The following LINGO2 variants were observed in gnomAD, a reference collection of about 807,000 sequenced individuals.
The protein encoded by LINGO2 is leucine-rich repeat and immunoglobulin-like domain-containing nogo receptor-interacting protein 2.
LINGO2 carries 14 observed loss-of-function variants against 30.6 expected under a neutral mutation model. That is an observed-to-expected ratio of 0.46 (90% confidence interval 0.30 to 0.72). The LOEUF is 0.72. LINGO2 is among the 30% of genes least tolerant of loss of function. The pLI is 0.07. For missense variants in LINGO2, 729 were observed against 751.7 expected (o/e 0.97, Z 0.35); for synonymous variants, 317 against 288.5 (o/e 1.10, Z -1.00).
chr9:28,313,458 G>A (rs1824709638), intron 3 of LINGO2, among the ~76,000 whole-genome samples: 1 of 152,128 alleles, frequency 6.6e-6, no homozygotes. Flanking sequence ...AACTCTACAG[G>A]ATTCATTAAA....
intron 4 of LINGO2, among the ~76,000 whole-genome samples, chr9:28,084,201 T>C (rs1161750044): frequency 1.3e-5 from 2 of 152,188 alleles, no homozygotes; most frequent in Non-Finnish European, 2.9e-5. Context: ...GTTTAGGGTG[T>C]TTCATTGTTT....
At chr9:29,024,648 A>G in the LINGO2 span, among the ~76,000 whole-genome samples, 1 of 152,116 alleles carries the variant, frequency 6.6e-6, no homozygotes, top group African/African-American at 2.4e-5. Context: ...CTGGTCCCAG[A>G]TTAGAGTAGG....
At chr9:28,676,265 T>C in the LINGO2 span, among the ~76,000 whole-genome samples, 1 of 151,996 alleles carries the variant, frequency 6.6e-6, no homozygotes, top group African/African-American at 2.4e-5. Flanking sequence ...AAATTAGCTA[T>C]ACCATTCGCT....
intron 1 of LINGO2, among the ~76,000 whole-genome samples, chr9:28,579,008 T>C (rs528000433): frequency 1.3e-5 from 2 of 152,134 alleles, no homozygotes; most frequent in East Asian, 3.9e-4. Context: ...ATCGTAAGAT[T>C]TATTTTTGTA....
chr9:27,968,390 A>G (rs527685044), intron 5 of LINGO2, among the ~76,000 whole-genome samples: 36 of 152,220 alleles, frequency 2.4e-4, no homozygotes, highest in Non-Finnish European at 4.1e-4. Flanking sequence ...AATGATGGCT[A>G]TAAGAGATAT....
intron 4 of LINGO2, among the ~76,000 whole-genome samples, chr9:28,061,020 A>G (rs1391136850): frequency 1.3e-5 from 2 of 151,970 alleles, no homozygotes; most frequent in Non-Finnish European, 2.9e-5. Context: ...TTAGGGAAGA[A>G]TCCACAGTCG....
the LINGO2 span, among the ~76,000 whole-genome samples, chr9:28,690,322 A>C: frequency 6.6e-6 from 1 of 152,176 alleles, no homozygotes; most frequent in Admixed American, 6.5e-5. Flanking sequence ...CTATGAGCAA[A>C]AGACACAGCT....
At chr9:28,278,088 C>A (rs1336850416) in intron 4 of LINGO2, among the ~76,000 whole-genome samples, 1 of 152,164 alleles carries the variant, frequency 6.6e-6, no homozygotes, top group Non-Finnish European at 1.5e-5. Flanking sequence ...TCAAACCAGA[C>A]ACAAGATTCC....
chr9:29,174,058 A>G, the LINGO2 span, among the ~76,000 whole-genome samples: 1 of 152,100 alleles, frequency 6.6e-6, no homozygotes, highest in Non-Finnish European at 1.5e-5. Context: ...AGAATAGAGC[A>G]TCAATTTTAC....
intron 4 of LINGO2, among the ~76,000 whole-genome samples, chr9:28,208,972 T>C (rs1316149063): frequency 2.6e-5 from 4 of 152,034 alleles, no homozygotes; most frequent in African/African-American, 9.7e-5. Context: ...CTGGGTTTGT[T>C]CTTGTACAAC....
intron 3 of LINGO2, among the ~76,000 whole-genome samples, chr9:28,315,095 C>A (rs915756772): frequency 6.6e-6 from 1 of 150,868 alleles, no homozygotes; most frequent in African/African-American, 2.4e-5. Flanking sequence ...AATTCCCAAA[C>A]GATCATTGGT....
chr9:29,128,394 C>T, the LINGO2 span, among the ~76,000 whole-genome samples: 28,630 of 152,110 alleles, frequency 0.19, 2,855 homozygotes, highest in East Asian at 0.34. Context: ...TCCTCAACCA[C>T]TGGAATCAAT....
chr9:28,515,723 A>T lies in LINGO2; in HGVS notation c.-364-39698T>A, dbSNP rs538471249. On this transcript the variant is annotated intron_variant, in intron 1 of 5. Transcript: ENST00000379992. ...TCTACTTGCGGTGAAGATATTGGGA[A>T]CATTGTTGAAATGACAACAAAGGAT... 3.3e-5 allele frequency among the ~76,000 whole-genome samples: 5 copies of T among 152,346 alleles called. No individual in the cohort carries two copies. In the South Asian group the frequency reaches 1.0e-3, roughly 32 times the overall value.
At position 28,071,043 on chromosome 9, in the gene LINGO2, A is replaced by G. The variant is rs114852244; in HGVS notation, c.-86-58638T>C. ...GTACTACTGTTTATAAAGTATATTG[A>G]GGAAGATGAGATAGTTTACATGTCT... On this transcript the variant is annotated intron_variant, in intron 4 of 5. Coordinates refer to ENST00000379992, the Ensembl canonical transcript of LINGO2. Among the ~76,000 whole-genome samples, 1,210 of 152,272 alleles carry G rather than the reference A, an allele frequency of 7.9e-3. 11 individuals carry two copies. Among genetic ancestry groups the G allele is most frequent in the African/African-American group, 0.027 (1,121 of 41,552 alleles).
intron 4 of LINGO2, among the ~76,000 whole-genome samples, chr9:28,070,988 T>G (rs1825458251): frequency 2.0e-5 from 3 of 152,200 alleles, no homozygotes; most frequent in African/African-American, 7.2e-5. Flanking sequence ...GTGCTAGCAT[T>G]ACAGGCCTAA....
intron 4 of LINGO2, among the ~76,000 whole-genome samples, chr9:28,044,458 G>C (rs373141442): frequency 2.0e-5 from 3 of 152,184 alleles, no homozygotes; most frequent in Non-Finnish European, 4.4e-5. Context: ...TCTCAAAACA[G>C]ACTTTCCTAA....
At chr9:28,560,815 C>T (rs1004256890) in intron 1 of LINGO2, among the ~76,000 whole-genome samples, 3 of 151,924 alleles carry the variant, frequency 2.0e-5, no homozygotes, top group African/African-American at 7.2e-5. Context: ...CACAGGTGCA[C>T]ACCACCATGC....
At chr9:28,728,716 T>A in the LINGO2 span, among the ~76,000 whole-genome samples, 1 of 151,646 alleles carries the variant, frequency 6.6e-6, no homozygotes, top group Non-Finnish European at 1.5e-5. Flanking sequence ...ATAAACCTCA[T>A]AAGGAATGGG....
At chr9:28,184,543 G>A (rs574449479) in intron 4 of LINGO2, among the ~76,000 whole-genome samples, 12 of 149,260 alleles carry the variant, frequency 8.0e-5, no homozygotes, top group Middle Eastern at 7.0e-3. Flanking sequence ...GAGAGAGAGA[G>A]AAAAAGAAAG....
Sources: allele counts gnomAD v4.1 joint callset (sites outside exome capture counted in the v4.1 genomes callset), GRCh38; gene constraint gnomAD v4.1.1; transcripts MANE v1.5; gene names NCBI Gene and HGNC (gene_info 2026-07-23, HGNC 2026-07-21).